PCDH15: variants seen among roughly 807,000 people sequenced by gnomAD.
PCDH15 encodes the protein protocadherin-15.
Under a neutral mutation model 178.5 loss-of-function variants are expected in PCDH15, and 129 were observed. The observed-to-expected ratio is 0.72, with a 90% CI of 0.63 to 0.84. PCDH15 has a LOEUF of 0.84. PCDH15 is among the 40% of genes least tolerant of loss of function. PCDH15 has a pLI of 0.00. For synonymous variants in PCDH15, 800 were observed against 732.0 expected (o/e 1.09, Z -1.50); for missense variants, 2,230 against 2,099.9 (o/e 1.06, Z -1.21).
chr10:55,241,977 T>C (rs1841554625), intron 1 of PCDH15, among the ~76,000 whole-genome samples: 1 of 152,184 alleles, frequency 6.6e-6, no homozygotes, highest in Non-Finnish European at 1.5e-5. Flanking sequence ...GTGATAAAGA[T>C]TATGTGGTTT....
intron 9 of PCDH15, 146 bp from the exon 10 acceptor site, chr10:54,214,194 C>A: frequency 1.7e-6 from 1 of 590,668 alleles, no homozygotes; most frequent in African/African-American, 1.9e-5. Flanking sequence ...TCAGGGAAAG[C>A]AGACACAAAT....
intron 2 of PCDH15, among the ~76,000 whole-genome samples, chr10:54,943,581 T>C (rs1838115020): frequency 6.6e-6 from 1 of 151,980 alleles, no homozygotes; most frequent in Non-Finnish European, 1.5e-5. Context: ...CACACAACTA[T>C]GGAGTATGTT....
intron 2 of PCDH15, among the ~76,000 whole-genome samples, chr10:55,366,793 T>C (rs1016230985): frequency 5.3e-5 from 8 of 152,148 alleles, no homozygotes; most frequent in African/African-American, 1.2e-4. Flanking sequence ...TTAGTTTCGA[T>C]TTTACCTGGC....
At chr10:54,939,494 CAAAAAAA>C (rs71014430) in intron 2 of PCDH15, among the ~76,000 whole-genome samples, 10 of 26,682 alleles carry the variant, frequency 3.7e-4, no homozygotes, top group East Asian at 1.5e-3. Context: ...GACTCCGTCT[CAAAAAAA>C]AAAAAAAAAA....
At chr10:54,294,637 C>G (rs1040996227) in intron 8 of PCDH15, among the ~76,000 whole-genome samples, 1 of 152,104 alleles carries the variant, frequency 6.6e-6, no homozygotes, top group Non-Finnish European at 1.5e-5. Context: ...ACATACTTAG[C>G]ATAATTGAAA....
chr10:54,295,851 A>G (rs2059725984), intron 8 of PCDH15, among the ~76,000 whole-genome samples: 3 of 152,088 alleles, frequency 2.0e-5, no homozygotes, highest in Admixed American at 6.6e-5. Flanking sequence ...CGGTCAGTTA[A>G]AAGTGGTTGG....
intron 25 of PCDH15, among the ~76,000 whole-genome samples, chr10:53,924,786 C>T (rs533997767): frequency 6.6e-6 from 1 of 152,292 alleles, no homozygotes; most frequent in Admixed American, 6.5e-5. Context: ...CTTGGAGAAC[C>T]TTTATGTCTA....
intron 15 of PCDH15, among the ~76,000 whole-genome samples, chr10:54,107,955 G>T (rs928996128): frequency 1.3e-5 from 2 of 152,142 alleles, no homozygotes; most frequent in African/African-American, 4.8e-5. Flanking sequence ...GATTTGGTGT[G>T]ATTTCAAAGC....
chr10:53,980,430 T>A (rs959713138), intron 21 of PCDH15, among the ~76,000 whole-genome samples: 2 of 143,844 alleles, frequency 1.4e-5, no homozygotes, highest in African/African-American at 5.1e-5. Context: ...GAAAACTTTC[T>A]TCTCGAATAT....
At chr10:54,741,843 A>G (rs906999974) in intron 1 of PCDH15, among the ~76,000 whole-genome samples, 3 of 151,954 alleles carry the variant, frequency 2.0e-5, no homozygotes, top group African/African-American at 7.2e-5. Flanking sequence ...TATTGGACCC[A>G]CCTCAACAAT....
chr10:53,808,864 T>C (rs2075757396), intron 37 of PCDH15: 1 of 1,606,460 alleles, frequency 6.2e-7, no homozygotes, highest in Admixed American at 1.7e-5. Context: ...CACACCTCCT[T>C]CCACCGAAGC....
chr10:54,623,511 A>C (rs1224772181), intron 2 of PCDH15, among the ~76,000 whole-genome samples: 1 of 152,106 alleles, frequency 6.6e-6, no homozygotes, highest in Non-Finnish European at 1.5e-5. Flanking sequence ...AAAAATATGA[A>C]TGTTCTAACA....
chr10:54,074,556 A>G (rs1036468013), intron 17 of PCDH15, among the ~76,000 whole-genome samples: 3 of 152,200 alleles, frequency 2.0e-5, no homozygotes, highest in African/African-American at 4.8e-5. Flanking sequence ...ATATTTCATT[A>G]TATGTATATA....
At chr10:55,599,810 C>A in intron 2 of PCDH15, 2 of 661,398 alleles carry the variant, frequency 3.0e-6, no homozygotes, top group Non-Finnish European at 4.6e-6. Flanking sequence ...AGAGGCACTG[C>A]CTGCTCAGTG....
chr10:54,315,980 T>G (rs200031171), intron 8 of PCDH15, among the ~76,000 whole-genome samples: 3 of 19,748 alleles, frequency 1.5e-4, no homozygotes, highest in South Asian at 1.1e-3. Flanking sequence ...TGGGTTTTGT[T>G]TTTTTTTTTG....
intron 2 of PCDH15, among the ~76,000 whole-genome samples, chr10:54,555,645 G>A (rs958380633): frequency 2.0e-5 from 3 of 149,898 alleles, no homozygotes; most frequent in African/African-American, 7.4e-5. Context: ...GCTGAGGCAG[G>A]AGAATAGCTT....
intron 2 of PCDH15, among the ~76,000 whole-genome samples, chr10:55,409,335 A>T (rs561771464): frequency 6.6e-6 from 1 of 152,206 alleles, no homozygotes; most frequent in East Asian, 1.9e-4. Context: ...CAGCCCCAGC[A>T]CCCTGGCATC....
In PCDH15 at chr10:53,883,152, T is replaced by C. The variant is rs1042822692; in HGVS notation, c.3502-16295A>G. ...AAAAATACATAAGAATACACACACA[T>C]ATATACACACATATGCATACACATA... On this transcript the variant is annotated intron_variant, in intron 26 of 37. Coordinates refer to ENST00000644397, the MANE Select transcript of PCDH15 (RefSeq NM_001384140.1). Among the ~76,000 whole-genome samples the C allele has an allele frequency of 6.5e-5, 8 of 123,416 alleles. No homozygotes were observed. In the East Asian group the frequency reaches 1.6e-3, roughly 25 times the overall value. The allele number at this position is 123,416 out of a possible 152,430, so 81.0% of individuals were successfully genotyped here. A position where few individuals can be genotyped will look rare whatever the true frequency, so the allele number is the denominator to read the frequency against.
chr10:55,265,646 G>A (rs950401164), intron 1 of PCDH15, among the ~76,000 whole-genome samples: 1 of 152,102 alleles, frequency 6.6e-6, no homozygotes, highest in African/African-American at 2.4e-5. Flanking sequence ...GGCTTGCACA[G>A]GACTAAGACC....
Sources: gnomAD v4.1 joint callset for allele counts (sites outside exome capture counted in the v4.1 genomes callset) on GRCh38, gnomAD v4.1.1 for gene constraint, MANE v1.5 for transcripts, NCBI Gene and HGNC (gene_info 2026-07-23, HGNC 2026-07-21) for gene names.